PTPRS: variants seen among roughly 807,000 people sequenced by gnomAD.
PTPRS encodes the protein receptor-type tyrosine-protein phosphatase S.
PTPRS carries 63 observed loss-of-function variants against 215.3 expected under a neutral mutation model. The observed-to-expected ratio is 0.29, with a 90% confidence interval of 0.24 to 0.36. The LOEUF (loss-of-function observed/expected upper bound fraction) is 0.36, where lower values mean the gene tolerates loss of function less well. Ranked by LOEUF, PTPRS falls within the 10% of genes least tolerant of loss-of-function variation. PTPRS has a pLI of 1.00. For synonymous variants in PTPRS, 1,404 were observed against 1,191.4 expected (o/e 1.18, Z -3.68); for missense variants, 2,258 against 2,825.8 (o/e 0.80, Z 4.56).
intron 1 of PTPRS, among the ~76,000 whole-genome samples, chr19:5,297,782 TTTTC>T: frequency 6.8e-6 from 1 of 147,286 alleles, no homozygotes. Flanking sequence ...CCAGTCTTTC[TTTTC>T]TTTTCTTTTT....
At chr19:5,301,077 C>G (rs2049288440) in intron 1 of PTPRS, among the ~76,000 whole-genome samples, 1 of 152,206 alleles carries the variant, frequency 6.6e-6, no homozygotes, top group African/African-American at 2.4e-5. Flanking sequence ...ATCTCCCTGG[C>G]TGGCCAGCAA....
intron 2 of PTPRS, among the ~76,000 whole-genome samples, chr19:5,282,538 C>T (rs537615348): frequency 6.6e-6 from 1 of 152,288 alleles, no homozygotes; most frequent in South Asian, 2.1e-4. Context: ...CGCAGAGGCT[C>T]ACACCTATAA....
rs560299026 is a variant in PTPRS, at chr19:5,270,341, G to A, written c.379+3101C>T. Among the ~76,000 whole-genome samples the A allele has an allele frequency of 6.6e-4, 90 of 136,648 alleles. No individual in the cohort carries two copies. In the South Asian group the frequency reaches 0.011, roughly 17 times the overall value. 89.6% of individuals were successfully genotyped at this position (136,648 alleles called of 152,430 possible). On this transcript the variant is annotated intron_variant, in intron 4 of 37. Transcript: ENST00000262963. ...GGTCTTGCTCTGTCACCCAGACTGGGGTGCAGTAGCATGATCATAGCCCAC... is the reference window on the plus strand; with the variant it reads ...GGTCTTGCTCTGTCACCCAGACTGGAGTGCAGTAGCATGATCATAGCCCAC...
At chr19:5,288,217 C>T (rs756501795) in intron 1 of PTPRS, among the ~76,000 whole-genome samples, 12 of 152,154 alleles carry the variant, frequency 7.9e-5, no homozygotes, top group Admixed American at 1.3e-4. Context: ...CAAAGTCACA[C>T]GCAGACACAG....
At chr19:5,305,002 G>T (rs956777443) in intron 1 of PTPRS, among the ~76,000 whole-genome samples, 1 of 152,022 alleles carries the variant, frequency 6.6e-6, no homozygotes, top group Admixed American at 6.6e-5. Context: ...GAGCTCAGGT[G>T]GGGGCATGAC....
At chr19:5,251,704 G>A (rs1434725391) in intron 9 of PTPRS, among the ~76,000 whole-genome samples, 1 of 151,930 alleles carries the variant, frequency 6.6e-6, no homozygotes, top group African/African-American at 2.4e-5. Flanking sequence ...CCCCCTCCTC[G>A]CCGCCCACCC....
At chr19:5,285,917 G>C (rs1283960827) in intron 2 of PTPRS, 133 bp downstream of exon 2, 2 of 682,592 alleles carry the variant, frequency 2.9e-6, no homozygotes, top group Non-Finnish European at 5.0e-6. Flanking sequence ...CATTTGTGGA[G>C]CATAAAAGTT....
chr19:5,280,324 A>G (rs1208403952), intron 2 of PTPRS, among the ~76,000 whole-genome samples: 1 of 152,216 alleles, frequency 6.6e-6, no homozygotes, highest in African/African-American at 2.4e-5. Flanking sequence ...AACAAAACAG[A>G]GTTCCTGCCC....
intron 11 of PTPRS, among the ~76,000 whole-genome samples, chr19:5,243,607 G>C (rs2044231907): frequency 6.6e-6 from 1 of 151,898 alleles, no homozygotes; most frequent in Non-Finnish European, 1.5e-5. Flanking sequence ...AGCCTCCCGA[G>C]TAGCTAGGAT....
chr19:5,236,844 A>AG (rs34174103), intron 13 of PTPRS, among the ~76,000 whole-genome samples: 13 of 98,544 alleles, frequency 1.3e-4, no homozygotes, highest in Admixed American at 3.4e-4. Flanking sequence ...GGCAGGGAGC[A>AG]GGGGGAAAAA....
intron 9 of PTPRS, among the ~76,000 whole-genome samples, chr19:5,252,355 T>C (rs2045179618): frequency 6.6e-6 from 1 of 151,960 alleles, no homozygotes; most frequent in South Asian, 2.1e-4. Flanking sequence ...GGTGGGTGAA[T>C]CACCTGAGGT....
rs1176335013 is a variant in PTPRS at position 5,339,652 on chromosome 19, ACCCACGG to A, written c.-95+1005_-95+1011del. Among the ~76,000 whole-genome samples, 15 of 151,966 alleles carry A rather than the reference ACCCACGG, an allele frequency of 9.9e-5. No individual in the cohort carries two copies. In the East Asian group the frequency reaches 2.3e-3, roughly 24 times the overall value. On this transcript the variant is annotated intron_variant, in intron 1 of 37. Transcript: ENST00000262963. This position sits in a 1 kb window ranked among gnomAD's most constrained non-coding sequence, Gnocchi z 4.2. Reference sequence around the variant, plus strand: ...GGCCGCAACCTGGCCGAACCCTCGCACCCACGGCGCGGGCACTCTAACCTGGGGGGCT... The same window carrying A: ...GGCCGCAACCTGGCCGAACCCTCGCACGCGGGCACTCTAACCTGGGGGGCT...
In PTPRS at chr19:5,244,988, T is replaced by C. The variant is rs1240020961; in HGVS notation, c.989-506A>G. On this transcript the variant is annotated intron_variant, in intron 10 of 37. Transcript: ENST00000262963. The surrounding 1 kb of genome is among the most constrained non-coding windows in gnomAD (Gnocchi z 7.2). Reference sequence around the variant, plus strand: ...CGGCCTTTTTTTTCTTTTTTCTTTTTTTTTTTTTTTAGACGGAGCCTTGCT... The same window carrying C: ...CGGCCTTTTTTTTCTTTTTTCTTTTCTTTTTTTTTTAGACGGAGCCTTGCT... Among the ~76,000 whole-genome samples, 2 of 146,016 alleles carry C rather than the reference T, an allele frequency of 1.4e-5. No homozygotes were observed. The highest frequency in any genetic ancestry group is 2.5e-5 in the African/African-American group (1 of 39,440).
At chr19:5,288,209 A>G (rs748689324) in intron 1 of PTPRS, among the ~76,000 whole-genome samples, 3 of 152,180 alleles carry the variant, frequency 2.0e-5, no homozygotes, top group Non-Finnish European at 4.4e-5. Flanking sequence ...AAGCCGGTCA[A>G]AGTCACACGC....
chr19:5,220,435 C>A, intron 20 of PTPRS, 82 bp from the exon 21 acceptor site: 2 of 1,158,136 alleles, frequency 1.7e-6, no homozygotes, highest in Non-Finnish European at 2.5e-6. Context: ...CGGGGGAAGC[C>A]GTTTCTCTGA....
At chr19:5,305,865 G>A (rs1299873718) in intron 1 of PTPRS, among the ~76,000 whole-genome samples, 38 of 132,492 alleles carry the variant, frequency 2.9e-4, no homozygotes, top group African/African-American at 7.9e-4. Context: ...GCGTGAACCC[G>A]GAAGGCGGAG....
chr19:5,316,594 T>C (rs1233795222), intron 1 of PTPRS, among the ~76,000 whole-genome samples: 1 of 152,216 alleles, frequency 6.6e-6, no homozygotes, highest in Admixed American at 6.5e-5. Context: ...GTTTTCACCA[T>C]GTTGGCCAGG....
intron 9 of PTPRS, among the ~76,000 whole-genome samples, chr19:5,249,869 G>A (rs1256173848): frequency 6.6e-6 from 1 of 152,182 alleles, no homozygotes. Context: ...TATTCTGTAA[G>A]GGTCAACATC....
chr19:5,219,926 A>T lies in PTPRS; in HGVS notation c.3765+13T>A. ...GTGTGTCTGGATGTGGGCGGACACC[A>T]TTCAGGACTTACAGGCTCGCTCTTC... On this transcript the variant is annotated intron_variant, in intron 22 of 37. Transcript: ENST00000262963. 6.2e-7 allele frequency: 1 copy of T among 1,612,926 alleles called. No individual in the cohort carries two copies.
Sources: gnomAD v4.1 joint callset for allele counts (sites outside exome capture counted in the v4.1 genomes callset) on GRCh38, gnomAD v4.1.1 for gene constraint, Gnocchi (gnomAD v3.1) non-coding constraint, MANE v1.5 for transcripts, NCBI Gene and HGNC (gene_info 2026-07-23, HGNC 2026-07-21) for gene names.